Variants in TNRC6C observed in about 807,000 individuals in gnomAD.
TNRC6C encodes trinucleotide repeat-containing gene 6C protein.
In TNRC6C, 20 loss-of-function variants were observed where a neutral mutation model predicts 153.7. The ratio of observed to expected loss-of-function variants is 0.13; its 90% CI spans 0.09 to 0.19. TNRC6C has a LOEUF of 0.19. Ranked by LOEUF, TNRC6C falls within the 10% of genes least tolerant of loss-of-function variation. The probability of loss-of-function intolerance (pLI) is 1.00; values close to 1 mark genes in which losing one functional copy is unlikely to be tolerated. For synonymous variants in TNRC6C, 811 were observed against 841.4 expected (o/e 0.96, Z 0.63); for missense variants, 1,987 against 2,172.0 (o/e 0.91, Z 1.69).
intron 1 of TNRC6C, among the ~76,000 whole-genome samples, chr17:78,006,492 T>TTTCTTCTTCTTCTTCTTCTTCTTC (rs57078929): frequency 1.8e-5 from 2 of 110,416 alleles, no homozygotes; most frequent in East Asian, 2.7e-4. Context: ...CTTCTTCTTC[T>TTTCTTCTTCTTCTTCTTCTTCTTC]TTCTTCTTCT....
chr17:77,993,642 G>A (rs1567904996), intron 1 of TNRC6C, among the ~76,000 whole-genome samples: 1 of 151,964 alleles, frequency 6.6e-6, no homozygotes, highest in Admixed American at 6.5e-5. Context: ...TTTCTTATGA[G>A]GTAGTTCCCT....
intron 1 of TNRC6C, among the ~76,000 whole-genome samples, chr17:77,997,777 C>T (rs1048273826): frequency 6.6e-6 from 1 of 152,104 alleles, no homozygotes; most frequent in African/African-American, 2.4e-5. Flanking sequence ...GCCTCAGCCT[C>T]CCGAGTAGCT....
rs754119082 is a variant in TNRC6C, at chr17:78,079,555, C to G, written c.3357+14C>G. ...CTATCCCCTCAGGTCAGACCCACAT[C>G]CAAGCAGGACTGAGCAACAGGATAT... On this transcript the variant is annotated intron_variant, in intron 10 of 19. Transcript: ENST00000301624. This position sits in a 1 kb window ranked among gnomAD's most constrained non-coding sequence, Gnocchi z 4.3. 6.2e-7 allele frequency: 1 copy of G among 1,613,298 alleles called. No homozygotes were observed. The highest frequency in any genetic ancestry group is 1.7e-5 in the Admixed American group (1 of 59,964).
chr17:78,031,403 A>AGC, intron 1 of TNRC6C, 113 bp from the exon 4 acceptor site: 6 of 770,220 alleles, frequency 7.8e-6, no homozygotes, highest in Non-Finnish European at 1.1e-5. Context: ...CTGTTTCCAA[A>AGC]GCACTACATT....
intron 11 of TNRC6C, among the ~76,000 whole-genome samples, chr17:78,084,491 A>C (rs2073241891): frequency 3.9e-5 from 6 of 152,122 alleles, no homozygotes; most frequent in Admixed American, 3.9e-4. Flanking sequence ...GGAGGATAGA[A>C]GGAAGGAGGG....
At chr17:78,093,194 T>C (rs2073424098) in intron 15 of TNRC6C, 70 bp downstream of exon 17, 3 of 1,499,724 alleles carry the variant, frequency 2.0e-6, no homozygotes, top group South Asian at 1.2e-5. Flanking sequence ...AGAGAGTGAT[T>C]AGGCTGAGAG....
intron 5 of TNRC6C, 123 bp from the exon 8 acceptor site, chr17:78,070,962 A>C (rs772566002): frequency 4.3e-6 from 4 of 923,372 alleles, no homozygotes; most frequent in Non-Finnish European, 6.7e-6. Context: ...GCATTATTCA[A>C]TGTTAATACA....
chr17:78,085,356 G>C (rs1463778304), intron 11 of TNRC6C, among the ~76,000 whole-genome samples: 1 of 152,136 alleles, frequency 6.6e-6, no homozygotes, highest in Non-Finnish European at 1.5e-5. Context: ...GAAAAATAAA[G>C]TTTCAGTGCT....
intron 17 of TNRC6C, among the ~76,000 whole-genome samples, chr17:78,101,055 C>T (rs572713975): frequency 2.6e-5 from 4 of 152,256 alleles, no homozygotes; most frequent in Admixed American, 2.0e-4. Flanking sequence ...GGATTACAGG[C>T]GTGAGCCACC....
Position 78,050,961 on chromosome 17 carries a change from C to T in TNRC6C, c.1899C>T (p.Thr633=), listed in dbSNP as rs1227429005. ...GGTCAGGGTCTGGTTGGAATGACAC[C>T]ACGAGATCTGGGAACAGTGGCTGGG... Residue 633 remains threonine, a synonymous_variant, in exon 3 of 20, where the codon ACC becomes ACT. Transcript: ENST00000301624. 1.9e-6 allele frequency: 3 copies of T among 1,613,872 alleles called. No homozygotes were observed. The South Asian group carries it at 3.3e-5, about 18-fold the overall frequency.
chr17:77,968,023 CTTA>C (rs2070911587), intron 1 of TNRC6C, among the ~76,000 whole-genome samples: 1 of 151,936 alleles, frequency 6.6e-6, no homozygotes, highest in African/African-American at 2.4e-5. Flanking sequence ...AGTTATTATT[CTTA>C]TTATTCTTAT....
At chr17:78,094,091 T>C (rs575465739) in intron 16 of TNRC6C, among the ~76,000 whole-genome samples, 1 of 151,990 alleles carries the variant, frequency 6.6e-6, no homozygotes, top group Non-Finnish European at 1.5e-5. Context: ...GCGACTCTCC[T>C]GCCTCAGCCT....
Position 78,104,042 on chromosome 17 carries a change from CTG to C in TNRC6C, c.4713-439_4713-438del, listed in dbSNP as rs2073644503. 6.6e-6 allele frequency among the ~76,000 whole-genome samples: 1 copy of C among 152,196 alleles called. No individual in the cohort carries two copies. Among genetic ancestry groups the C allele is most frequent in the Admixed American group, 6.5e-5 (1 of 15,286 alleles). ...CTGGTTTTTTTCTGCTGCTGAGTTG[CTG>C]TGTCTACTCCCTCCCTGTGACACAT... On this transcript the variant is annotated intron_variant, in intron 19 of 19. Coordinates refer to ENST00000301624, the Ensembl canonical transcript of TNRC6C. The surrounding 1 kb of genome is among the most constrained non-coding windows in gnomAD (Gnocchi z 6.2).
chr17:78,099,638 T>C (rs1015700785), intron 17 of TNRC6C, among the ~76,000 whole-genome samples: 3 of 152,188 alleles, frequency 2.0e-5, no homozygotes, highest in Non-Finnish European at 2.9e-5. Context: ...AACATGGGAA[T>C]TGTGGGAGTT....
chr17:78,099,559 A>G (rs906941550), intron 17 of TNRC6C, among the ~76,000 whole-genome samples: 2 of 152,214 alleles, frequency 1.3e-5, no homozygotes, highest in Non-Finnish European at 2.9e-5. Context: ...CTTACTCACT[A>G]TCACGAGAAC....
At chr17:78,052,664 C>T (rs773432561) in intron 3 of TNRC6C, among the ~76,000 whole-genome samples, 1 of 152,070 alleles carries the variant, frequency 6.6e-6, no homozygotes, top group Non-Finnish European at 1.5e-5. Flanking sequence ...GGAGAATGTC[C>T]TGCCTGCTGC....
chr17:78,048,175 G>A (rs1195424485), intron 2 of TNRC6C, among the ~76,000 whole-genome samples: 2 of 151,212 alleles, frequency 1.3e-5, no homozygotes, highest in Non-Finnish European at 2.9e-5. Flanking sequence ...TATTATGAAT[G>A]TGCAGGAGAC....
intron 17 of TNRC6C, among the ~76,000 whole-genome samples, chr17:78,099,937 A>G (rs2073559392): frequency 6.6e-6 from 1 of 152,214 alleles, no homozygotes; most frequent in African/African-American, 2.4e-5. Flanking sequence ...TCCAAATGGG[A>G]GAAATTGGCC....
intron 1 of TNRC6C, among the ~76,000 whole-genome samples, chr17:77,992,012 A>G (rs2071258738): frequency 6.6e-6 from 1 of 152,174 alleles, no homozygotes; most frequent in Non-Finnish European, 1.5e-5. Flanking sequence ...TGTCTCAACA[A>G]GATCGATTTG....
Sources: gnomAD v4.1 joint callset for allele counts (sites outside exome capture counted in the v4.1 genomes callset) on GRCh38, gnomAD v4.1.1 for gene constraint, Gnocchi (gnomAD v3.1) non-coding constraint, MANE v1.5 for transcripts, NCBI Gene and HGNC (gene_info 2026-07-23, HGNC 2026-07-21) for gene names.